The following YBEY variants were observed in gnomAD, a reference collection of about 807,000 sequenced individuals.
The protein encoded by YBEY is endoribonuclease YbeY.
Under a neutral mutation model 13.5 loss-of-function variants are expected in YBEY, and 15 were observed. The ratio of observed to expected loss-of-function variants is 1.11; its 90% confidence interval spans 0.75 to 1.72. The LOEUF (loss-of-function observed/expected upper bound fraction) is 1.72, where lower values mean the gene tolerates loss of function less well. Among genes scored for constraint, YBEY ranks in the 40% most tolerant of loss-of-function variants. The pLI is 0.00. For missense variants in YBEY, 244 were observed against 208.4 expected, an observed-to-expected ratio of 1.17 and a Z score of -1.05; for synonymous variants, 101 against 83.1, an observed-to-expected ratio of 1.21 and a Z score of -1.17.
At chr21:46,289,869 G>T (rs1180854608) in intron 2 of YBEY, among the ~76,000 whole-genome samples, 17 of 149,330 alleles carry the variant, frequency 1.1e-4, no homozygotes, top group African/African-American at 4.0e-4. Context: ...TTGCTGGGCA[G>T]ATTATCCTTG....
chr21:46,290,912 G>A (rs1420415209), intron 2 of YBEY, among the ~76,000 whole-genome samples: 1 of 151,684 alleles, frequency 6.6e-6, no homozygotes, highest in Non-Finnish European at 1.5e-5. Flanking sequence ...GGGCGTGGTG[G>A]CGCATGCCTG....
downstream of YBEY, chr21:46,301,994 C>G: frequency 6.6e-7 from 1 of 1,522,982 alleles, no homozygotes; most frequent in Non-Finnish European, 8.8e-7. Flanking sequence ...CTCTGTGACT[C>G]ACACTCAGGG....
At chr21:46,290,816 C>G (rs932814931) in intron 2 of YBEY, among the ~76,000 whole-genome samples, 1 of 151,998 alleles carries the variant, frequency 6.6e-6, no homozygotes, top group Non-Finnish European at 1.5e-5. Flanking sequence ...GAGGCCAAGG[C>G]GGGTGGATCA....
chr21:46,303,757 T>A, the YBEY span, among the ~76,000 whole-genome samples: 834 of 81,866 alleles, frequency 0.01, 28 homozygotes, highest in Non-Finnish European at 0.016. Context: ...TTTTTTTTTT[T>A]TTTTTTTTTT....
chr21:46,296,899 C>T (rs1475322238), intron 4 of YBEY, among the ~76,000 whole-genome samples: 1 of 151,962 alleles, frequency 6.6e-6, no homozygotes, highest in East Asian at 1.9e-4. Flanking sequence ...GAGGCTGAGG[C>T]AGGAGAATCG....
chr21:46,303,580 G>A, the YBEY span, among the ~76,000 whole-genome samples: 6 of 149,118 alleles, frequency 4.0e-5, no homozygotes, highest in African/African-American at 1.5e-4. Flanking sequence ...GGCCAGGCAC[G>A]GTGGCTCATG....
downstream of YBEY, among the ~76,000 whole-genome samples, chr21:46,299,834 C>T (rs1312006412): frequency 6.6e-6 from 1 of 152,106 alleles, no homozygotes; most frequent in African/African-American, 2.4e-5. Flanking sequence ...GACCCCAAAA[C>T]CCCTGCCAAG....
At chr21:46,300,801 G>A (rs1390212482), downstream of YBEY, 1 of 1,287,804 alleles carries the variant, frequency 7.8e-7, no homozygotes, top group South Asian at 1.2e-5. Context: ...TGTCCTAATA[G>A]GGGGTGAATG....
rs78234395 is a variant in YBEY, at chr21:46,294,767, A to T, written c.340-1395A>T. 1.5e-4 allele frequency among the ~76,000 whole-genome samples: 13 copies of T among 85,738 alleles called. 2 individuals are homozygous for T. Among genetic ancestry groups the T allele is most frequent in the East Asian group, 2.9e-4 (1 of 3,484 alleles). 56.2% of individuals were successfully genotyped at this position (85,738 alleles called of 152,430 possible). A position where few individuals can be genotyped will look rare whatever the true frequency, so the allele number is the denominator to read the frequency against. ...TTCAGCAGCTTGATGCCAAAAAAAA[A>T]AAAAAAAAAGGAAAAGCATTCTGAA... On this transcript the variant is annotated intron_variant, in intron 3 of 4. Coordinates refer to ENST00000397701, the MANE Select transcript of YBEY (RefSeq NM_001314025.2).
the YBEY span, among the ~76,000 whole-genome samples, chr21:46,312,350 C>T: frequency 6.6e-6 from 1 of 151,974 alleles, no homozygotes; most frequent in East Asian, 1.9e-4. Context: ...CAAAGTCTTG[C>T]TCTTGTCGCC....
chr21:46,291,809 C>T, intron 3 of YBEY: 1 of 1,078,262 alleles, frequency 9.3e-7, no homozygotes. Context: ...CCTCCACCAC[C>T]TTCCAGATCT....
At chr21:46,296,478 G>A (rs191229698) in intron 4 of YBEY, among the ~76,000 whole-genome samples, 9 of 152,314 alleles carry the variant, frequency 5.9e-5, no homozygotes, top group Non-Finnish European at 1.3e-4. Flanking sequence ...ACTAGCACGT[G>A]GCGCTTGGTC....
At chr21:46,302,881 C>G in the YBEY span, among the ~76,000 whole-genome samples, 14 of 75,048 alleles carry the variant, frequency 1.9e-4, no homozygotes, top group Non-Finnish European at 3.1e-4. Context: ...CCCGTCTGCA[C>G]ACGGTGCGGG....
At chr21:46,303,745 A>ATAT in the YBEY span, among the ~76,000 whole-genome samples, 22 of 23,810 alleles carry the variant, frequency 9.2e-4, no homozygotes, top group Non-Finnish European at 1.0e-3. Context: ...ATATATATAT[A>ATAT]TTTTTTTTTT....
In YBEY at chr21:46,286,970, TC is replaced by T; in HGVS notation, c.58del (p.Arg20AlafsTer7). 2 of 1,614,150 alleles carry T rather than the reference TC, an allele frequency of 1.2e-6. No homozygotes were observed. Among genetic ancestry groups the T allele is most frequent in the Non-Finnish European group, 1.7e-6 (2 of 1,180,024 alleles). Reference protein sequence around the residue: ...RVIPIRRAPLRSKIEIVRRIL... With the variant: ...RVIPIRRAPLXSKIEIVRRIL... Reference sequence around the variant, plus strand: ...TCATCCCCATCAGGAGAGCGCCACTTCGCAGTAAGATCGAGATTGTAAGGAG... The same window carrying T: ...TCATCCCCATCAGGAGAGCGCCACTTGCAGTAAGATCGAGATTGTAAGGAG... On this transcript the variant is annotated frameshift_variant, in exon 2 of 5. Transcript: ENST00000397701. LOFTEE classifies it high-confidence loss of function.
intron 3 of YBEY, among the ~76,000 whole-genome samples, chr21:46,294,816 C>CTTAA (rs1039247473): frequency 2.6e-5 from 4 of 152,008 alleles, no homozygotes; most frequent in African/African-American, 9.7e-5. Context: ...GTGAATCATA[C>CTTAA]TTAACTTGGC....
intron 2 of YBEY, among the ~76,000 whole-genome samples, chr21:46,289,455 T>G (rs996124908): frequency 1.4e-5 from 2 of 139,264 alleles, no homozygotes; most frequent in South Asian, 4.7e-4. Flanking sequence ...TGTTTTTTTT[T>G]TTTTTTTTGA....
the YBEY span, among the ~76,000 whole-genome samples, chr21:46,309,880 C>T: frequency 1.3e-5 from 2 of 151,964 alleles, no homozygotes; most frequent in Non-Finnish European, 2.9e-5. Flanking sequence ...CCTGTAATCC[C>T]CAGCTACTCC....
chr21:46,308,227 C>T, the YBEY span, among the ~76,000 whole-genome samples: 1 of 152,086 alleles, frequency 6.6e-6, no homozygotes, highest in Admixed American at 6.5e-5. Context: ...CTTTGGGAGG[C>T]CGAAGGGGGC....
Sources: allele counts gnomAD v4.1 joint callset (sites outside exome capture counted in the v4.1 genomes callset), GRCh38; gene constraint gnomAD v4.1.1; transcripts MANE v1.5; gene names NCBI Gene and HGNC (gene_info 2026-07-23, HGNC 2026-07-21).